Variants in TSHR observed in about 807,000 individuals in gnomAD.
The protein encoded by TSHR is thyrotropin receptor.
In TSHR, 51 loss-of-function variants were observed where a neutral mutation model predicts 64.1. The observed-to-expected ratio is 0.80, with a 90% CI of 0.64 to 1.01. TSHR has a LOEUF of 1.01. Among genes scored for constraint, TSHR ranks in the 50% least tolerant of loss-of-function variants. The pLI is 0.00. For synonymous variants in TSHR, 361 were observed against 361.9 expected (o/e 1.00, Z 0.03); for missense variants, 877 against 942.8 (o/e 0.93, Z 0.91).
chr14:81,093,942 C>A (rs28417017), intron 6 of TSHR, among the ~76,000 whole-genome samples: 32,965 of 151,822 alleles, frequency 0.22, 4,784 homozygotes, highest in African/African-American at 0.41. Context: ...CCCCTTGACA[C>A]CATTTCTCTA....
Position 81,143,195 on chromosome 14 carries a change from A to G in TSHR, c.1137A>G (p.Gln379=). 8 of 1,614,144 alleles carry G rather than the reference A, an allele frequency of 5.0e-6. No individual in the cohort carries two copies. The highest frequency in any genetic ancestry group is 5.9e-6 in the Non-Finnish European group (7 of 1,180,034). Residue 379 remains glutamine (Q), a synonymous_variant, in exon 10 of 10, where the codon CAA becomes CAG. Transcript: ENST00000298171. ...ELKNPQEETL[Q]AFDSHYDYTI... is the part of the protein sequence containing the mutation. ...AAAACCCCCAGGAAGAGACTCTACAAGCTTTTGACAGCCATTATGACTACA... is the reference window on the plus strand; with the variant it reads ...AAAACCCCCAGGAAGAGACTCTACAGGCTTTTGACAGCCATTATGACTACA...
At chr14:80,973,416 A>AAAAAAAAAAAAAAAAAAAAAAAAAAC (rs1887696958) in intron 1 of TSHR, among the ~76,000 whole-genome samples, 1 of 148,736 alleles carries the variant, frequency 6.7e-6, no homozygotes, top group African/African-American at 2.4e-5. Context: ...AAAAAAAAAA[A>AAAAAAAAAAAAAAAAAAAAAAAAAAC]AAAAAAAAAA....
At chr14:80,982,607 G>GAA (rs35277102) in intron 1 of TSHR, 33,494 of 708,218 alleles carry the variant, frequency 0.047, 891 homozygotes, top group African/African-American at 0.21. Context: ...GAAATTAATG[G>GAA]AAAAAAAAAA....
At chr14:81,007,174 AT>A (rs758281382) in intron 1 of TSHR, among the ~76,000 whole-genome samples, 1 of 152,234 alleles carries the variant, frequency 6.6e-6, no homozygotes, top group Non-Finnish European at 1.5e-5. Context: ...ATATGAGGTC[AT>A]GAGGATTAGT....
chr14:81,141,620 A>C (rs909815004), intron 9 of TSHR, among the ~76,000 whole-genome samples: 1 of 152,206 alleles, frequency 6.6e-6, no homozygotes, highest in African/African-American at 2.4e-5. Flanking sequence ...CAGAAAATAA[A>C]CAGGCTGGCC....
Position 80,980,545 on chromosome 14 carries a change from ACTTTTATTTG to A in TSHR, c.170+24702_170+24711del, listed in dbSNP as rs1888115024. On this transcript the variant is annotated intron_variant, in intron 1 of 9. Coordinates refer to ENST00000298171, the MANE Select transcript of TSHR (RefSeq NM_000369.5). Reference sequence around the variant, plus strand: ...CCTTCTCTTGATGTTTTCATCTTTGACTTTTATTTGCTTTTAAGATCTCTTTGTCTTTAAT... The same window carrying A: ...CCTTCTCTTGATGTTTTCATCTTTGACTTTTAAGATCTCTTTGTCTTTAAT... Among the ~76,000 whole-genome samples the A allele has an allele frequency of 6.6e-5, 10 of 152,206 alleles. No homozygotes were observed. In the South Asian group the frequency reaches 2.1e-3, roughly 32 times the overall value.
chr14:81,065,363 G>A (rs966582823), intron 2 of TSHR, among the ~76,000 whole-genome samples: 10 of 152,190 alleles, frequency 6.6e-5, no homozygotes, highest in African/African-American at 1.9e-4. Context: ...AGGCATTCTC[G>A]TGTTAAAGTT....
intron 1 of TSHR, among the ~76,000 whole-genome samples, chr14:81,061,013 C>A (rs569269622): frequency 6.6e-6 from 1 of 152,066 alleles, no homozygotes; most frequent in African/African-American, 2.4e-5. Context: ...AAAAAGCAAA[C>A]TGGAGGAAAA....
At chr14:80,975,719 AAGTTG>A (rs1429640943) in intron 1 of TSHR, among the ~76,000 whole-genome samples, 1 of 152,082 alleles carries the variant, frequency 6.6e-6, no homozygotes, top group African/African-American at 2.4e-5. Context: ...ATTCTTTCCT[AAGTTG>A]AATGCTCAGT....
At chr14:81,126,661 T>A (rs1197133239) in intron 8 of TSHR, among the ~76,000 whole-genome samples, 3 of 152,230 alleles carry the variant, frequency 2.0e-5, no homozygotes, top group Non-Finnish European at 4.4e-5. Flanking sequence ...CTAAACCTTG[T>A]AAATTCTGAA....
At position 81,054,467 on chromosome 14, in the gene TSHR, G is replaced by C. The variant is rs528191808; in HGVS notation, c.171-7681G>C. On this transcript the variant is annotated intron_variant, in intron 1 of 9. Coordinates refer to ENST00000298171, the MANE Select transcript of TSHR (RefSeq NM_000369.5). ...GGAACTGGGTAACAGGCAGAGGCTA[G>C]AGCAGTTTCGAGGGCTCAGAAGAAA... is the stretch of plus-strand genomic sequence containing the variant. Among the ~76,000 whole-genome samples the C allele has an allele frequency of 7.2e-5, 11 of 152,306 alleles. No homozygotes were observed. In the South Asian group the frequency reaches 2.1e-3, roughly 29 times the overall value.
chr14:81,110,260 T>C (rs1175418577), intron 8 of TSHR, among the ~76,000 whole-genome samples: 1 of 152,204 alleles, frequency 6.6e-6, no homozygotes, highest in Non-Finnish European at 1.5e-5. Flanking sequence ...TATGTGACTG[T>C]ATTTGAAGAT....
chr14:81,026,669 T>G (rs550984699), intron 1 of TSHR, among the ~76,000 whole-genome samples: 1 of 151,784 alleles, frequency 6.6e-6, no homozygotes, highest in South Asian at 2.1e-4. Context: ...GATAAGGCAA[T>G]AAAAAATGTT....
intron 1 of TSHR, among the ~76,000 whole-genome samples, chr14:80,975,454 TC>T (rs1437361395): frequency 6.6e-6 from 1 of 152,290 alleles, no homozygotes; most frequent in African/African-American, 2.4e-5. Flanking sequence ...CACTCAAGTA[TC>T]TTTCCTCTAA....
At chr14:80,966,672 G>A (rs965963001) in intron 1 of TSHR, among the ~76,000 whole-genome samples, 4 of 152,168 alleles carry the variant, frequency 2.6e-5, no homozygotes, top group South Asian at 2.1e-4. Flanking sequence ...AATGAAGGAA[G>A]AGGGAGAAGG....
intron 1 of TSHR, among the ~76,000 whole-genome samples, chr14:80,988,291 T>C (rs1279776419): frequency 6.8e-6 from 1 of 147,926 alleles, no homozygotes; most frequent in African/African-American, 2.5e-5. Flanking sequence ...ACAGGAAGCA[T>C]GATGCTGGCA....
chr14:81,057,526 T>C (rs1885906745), intron 1 of TSHR, among the ~76,000 whole-genome samples: 1 of 152,216 alleles, frequency 6.6e-6, no homozygotes, highest in African/African-American at 2.4e-5. Context: ...ATCCACAACT[T>C]CACAATATAA....
At chr14:81,108,669 T>C (rs1244935162) in intron 8 of TSHR, 14 of 1,613,938 alleles carry the variant, frequency 8.7e-6, no homozygotes, top group Non-Finnish European at 1.1e-5. Context: ...CACGCTCCAG[T>C]ATGCCATCAT....
At chr14:80,957,949 G>A (rs1886791209) in intron 1 of TSHR, 1 of 152,152 alleles carries the variant, frequency 6.6e-6, no homozygotes, top group Non-Finnish European at 1.5e-5. Flanking sequence ...AATGGAGAGG[G>A]AGGTAGTATG....
Sources: gnomAD v4.1 joint callset for allele counts (sites outside exome capture counted in the v4.1 genomes callset) on GRCh38, gnomAD v4.1.1 for gene constraint, MANE v1.5 for transcripts, NCBI Gene and HGNC (gene_info 2026-07-23, HGNC 2026-07-21) for gene names.